Variants in SPEF2 observed in about 807,000 individuals in gnomAD.
The protein encoded by SPEF2 is sperm flagella and cilia-associated protein 2.
SPEF2 carries 187 observed loss-of-function variants against 224.6 expected under a neutral mutation model. That is an observed-to-expected ratio of 0.83 (90% CI 0.74 to 0.94). SPEF2 has a LOEUF of 0.94. Ranked by LOEUF, SPEF2 falls within the 40% of genes least tolerant of loss-of-function variation. The pLI is 0.00. For missense variants in SPEF2, 2,170 were observed against 2,135.6 expected (o/e 1.02, Z -0.32); for synonymous variants, 715 against 707.3 (o/e 1.01, Z -0.17).
At chr5:35,642,131 C>A (rs1387126550) in intron 3 of SPEF2, among the ~76,000 whole-genome samples, 1 of 152,178 alleles carries the variant, frequency 6.6e-6, no homozygotes, top group African/African-American at 2.4e-5. Flanking sequence ...CAGCAACCTG[C>A]TAAAATGTCT....
intron 27 of SPEF2, among the ~76,000 whole-genome samples, chr5:35,773,688 G>A (rs1000470511): frequency 3.9e-5 from 6 of 152,058 alleles, no homozygotes; most frequent in Non-Finnish European, 8.8e-5. Context: ...TTTTATATGA[G>A]TCCAGCCCAG....
chr5:35,695,159 C>T (rs994437111), intron 13 of SPEF2, among the ~76,000 whole-genome samples: 2 of 151,924 alleles, frequency 1.3e-5, no homozygotes, highest in Admixed American at 6.6e-5. Context: ...TTATCTGTTT[C>T]TTAAGAGATA....
intron 16 of SPEF2, among the ~76,000 whole-genome samples, chr5:35,701,081 G>C (rs1487896805): frequency 6.6e-6 from 1 of 152,032 alleles, no homozygotes; most frequent in African/African-American, 2.4e-5. Context: ...GTGTTTTCGT[G>C]GGTCACCCTC....
intron 1 of SPEF2, 135 bp downstream of exon 1, chr5:35,618,190 C>A: frequency 1.1e-6 from 1 of 931,016 alleles, no homozygotes; most frequent in Non-Finnish European, 1.7e-6. Context: ...TAGCCGGCAG[C>A]ATCCCACAGT....
intron 5 of SPEF2, among the ~76,000 whole-genome samples, chr5:35,648,156 G>C (rs1246321175): frequency 2.0e-5 from 3 of 152,148 alleles, no homozygotes; most frequent in Non-Finnish European, 4.4e-5. Flanking sequence ...CCAGAGAGTT[G>C]ACATGTTTTA....
rs1163387014 is a variant in SPEF2, at chr5:35,808,699, C to CAT, written c.5379+1454_5379+1455dup. On this transcript the variant is annotated intron_variant, in intron 36 of 36. Coordinates refer to ENST00000356031, the MANE Select transcript of SPEF2 (RefSeq NM_024867.4). ...TCCAAGTCTTTGCTATTGGGTTTTA[C>CAT]ATATATATACACACACATATATATT... 4.9e-4 allele frequency among the ~76,000 whole-genome samples: 72 copies of CAT among 147,992 alleles called. 2 individuals carry two copies. Among genetic ancestry groups the CAT allele is most frequent in the South Asian group, 8.5e-4 (4 of 4,684 alleles).
intron 1 of SPEF2, among the ~76,000 whole-genome samples, chr5:35,620,061 GAGAT>G (rs999444248): frequency 1.3e-5 from 2 of 152,112 alleles, no homozygotes; most frequent in African/African-American, 4.8e-5. Flanking sequence ...TACTATAAGA[GAGAT>G]AGAGCGAGAG....
intron 10 of SPEF2, among the ~76,000 whole-genome samples, chr5:35,688,200 C>T (rs1291497559): frequency 2.0e-5 from 3 of 152,116 alleles, no homozygotes; most frequent in Non-Finnish European, 4.4e-5. Context: ...ACCAGGAACT[C>T]TGCTCTTCAG....
intron 30 of SPEF2, among the ~76,000 whole-genome samples, chr5:35,779,574 T>C (rs577749933): frequency 6.6e-6 from 1 of 152,338 alleles, no homozygotes; most frequent in Non-Finnish European, 1.5e-5. Context: ...TCCTCATTCC[T>C]GGTAATTCCT....
In SPEF2 at chr5:35,800,155, C is replaced by A; in HGVS notation, c.5010+8C>A. 1 of 1,613,842 alleles carries A rather than the reference C, an allele frequency of 6.2e-7. No individual in the cohort carries two copies. Among genetic ancestry groups the A allele is most frequent in the South Asian group, 1.1e-5 (1 of 91,050 alleles). On this transcript the variant is annotated splice_region_variant and intron_variant, in intron 34 of 36. Coordinates refer to ENST00000356031, the MANE Select transcript of SPEF2 (RefSeq NM_024867.4). ...ATTCCAAGTGCAGAAAAGGTAATTG[C>A]ATTCCAGAAATAGACTAACTATAGA...
At chr5:35,646,492 A>G in intron 4 of SPEF2, 175 bp from the exon 5 acceptor site, 1 of 493,746 alleles carries the variant, frequency 2.0e-6, no homozygotes, top group Non-Finnish European at 3.6e-6. Flanking sequence ...TTTCACAGTA[A>G]GTCATATTAA....
At chr5:35,696,304 T>A (rs115627704) in intron 14 of SPEF2, among the ~76,000 whole-genome samples, 2,824 of 152,300 alleles carry the variant, frequency 0.019, 62 homozygotes, top group South Asian at 0.054. Flanking sequence ...TATATTTGAT[T>A]TTTTTATTAT....
chr5:35,630,690 C>A (rs536527731), intron 2 of SPEF2, among the ~76,000 whole-genome samples: 42 of 151,512 alleles, frequency 2.8e-4, no homozygotes, highest in Non-Finnish European at 5.0e-4. Flanking sequence ...AGCGAGACTC[C>A]GTCTCAAAAA....
At chr5:35,787,178 C>A (rs1755268738) in intron 30 of SPEF2, among the ~76,000 whole-genome samples, 1 of 151,446 alleles carries the variant, frequency 6.6e-6, no homozygotes, top group African/African-American at 2.4e-5. Context: ...AAAAATTAGA[C>A]GTTTGGGGGA....
intron 34 of SPEF2, among the ~76,000 whole-genome samples, chr5:35,802,934 C>T (rs114247783): frequency 0.038 from 5,838 of 152,246 alleles, 183 homozygotes; most frequent in South Asian, 0.074. Context: ...AGACTACAGA[C>T]GGCAAAGGAG....
intron 14 of SPEF2, among the ~76,000 whole-genome samples, chr5:35,697,454 G>A (rs965378773): frequency 3.3e-5 from 5 of 152,100 alleles, no homozygotes; most frequent in Admixed American, 2.6e-4. Flanking sequence ...TTAAGTTTGG[G>A]GATGCAAGAG....
At chr5:35,654,166 A>T (rs1299644390) in intron 6 of SPEF2, among the ~76,000 whole-genome samples, 2 of 151,880 alleles carry the variant, frequency 1.3e-5, no homozygotes, top group Non-Finnish European at 2.9e-5. Flanking sequence ...AGGCTGAGGC[A>T]GGAGAATCAC....
chr5:35,776,220 A>G, intron 28 of SPEF2, 37 bp from the exon 29 acceptor site: 1 of 1,584,268 alleles, frequency 6.3e-7, no homozygotes, highest in Non-Finnish European at 8.6e-7. Flanking sequence ...CATGCACTGC[A>G]ATATGTTAAA....
Position 35,672,290 on chromosome 5 carries a change from TAA to T in SPEF2, c.1524+2064_1524+2065del, listed in dbSNP as rs1751308341. On this transcript the variant is annotated intron_variant, in intron 10 of 36. Transcript: ENST00000356031. ...TTATAATGTTATTGAACATTATATATAATTCATTATAATGTTATTGAACATAA... is the reference window on the plus strand; with the variant it reads ...TTATAATGTTATTGAACATTATATATTTCATTATAATGTTATTGAACATAA... Among the ~76,000 whole-genome samples the T allele has an allele frequency of 2.6e-3, 4 of 1,530 alleles. No individual in the cohort carries two copies. In the East Asian group the frequency reaches 0.06, roughly 23 times the overall value. The allele number at this position is 1,530 out of a possible 152,430, so 1.0% of individuals were successfully genotyped here. A position where few individuals can be genotyped will look rare whatever the true frequency, so the allele number is the denominator to read the frequency against.
Sources: gnomAD v4.1 joint callset for allele counts (sites outside exome capture counted in the v4.1 genomes callset) on GRCh38, gnomAD v4.1.1 for gene constraint, MANE v1.5 for transcripts, NCBI Gene and HGNC (gene_info 2026-07-23, HGNC 2026-07-21) for gene names.